The following USP15 variants were observed in gnomAD, a reference collection of about 807,000 sequenced individuals.
USP15 encodes ubiquitin carboxyl-terminal hydrolase 15.
USP15 carries 18 observed loss-of-function variants against 127.1 expected under a neutral mutation model. The ratio of observed to expected loss-of-function variants is 0.14; its 90% CI spans 0.10 to 0.21. The LOEUF (loss-of-function observed/expected upper bound fraction) is 0.21. Ranked by LOEUF, USP15 falls within the 10% of genes least tolerant of loss-of-function variation. USP15 has a pLI of 1.00. For synonymous variants in USP15, 364 were observed against 393.7 expected, an observed-to-expected ratio of 0.92 and a Z score of 0.89; for missense variants, 805 against 1,159.9, an observed-to-expected ratio of 0.69 and a Z score of 4.44.
intron 6 of USP15, among the ~76,000 whole-genome samples, chr12:62,347,473 TTA>T (rs1426852725): frequency 6.6e-6 from 1 of 151,804 alleles, no homozygotes; most frequent in Non-Finnish European, 1.5e-5. Context: ...AACATTCGAT[TTA>T]TATATGTTTT....
intron 8 of USP15, among the ~76,000 whole-genome samples, chr12:62,380,377 C>A (rs1448728515): frequency 1.2e-4 from 18 of 151,946 alleles, no homozygotes; most frequent in Non-Finnish European, 5.9e-5. Flanking sequence ...TTTAGCTAAA[C>A]AATGCATAGT....
chr12:62,312,127 T>G (rs1189684029), intron 3 of USP15, among the ~76,000 whole-genome samples: 5 of 151,814 alleles, frequency 3.3e-5, no homozygotes, highest in Non-Finnish European at 7.4e-5. Flanking sequence ...AGGTCTAATT[T>G]ATCTGCACCA....
chr12:62,273,607 A>G (rs369250453), intron 1 of USP15, among the ~76,000 whole-genome samples: 1 of 152,138 alleles, frequency 6.6e-6, no homozygotes, highest in East Asian at 1.9e-4. Flanking sequence ...AAGAATATAT[A>G]TAAACAAAAA....
intron 6 of USP15, among the ~76,000 whole-genome samples, chr12:62,328,060 A>C (rs963234451): frequency 6.6e-6 from 1 of 152,198 alleles, no homozygotes; most frequent in Non-Finnish European, 1.5e-5. Context: ...GTCTATAGCA[A>C]AAGTTACATT....
intron 3 of USP15, among the ~76,000 whole-genome samples, chr12:62,307,475 T>C (rs770871940): frequency 6.6e-5 from 10 of 152,166 alleles, no homozygotes; most frequent in Non-Finnish European, 1.5e-4. Flanking sequence ...TTCTGTGTGC[T>C]TCATTGTTTT....
At chr12:62,327,722 G>A (rs1396496873) in intron 6 of USP15, 1 of 430,178 alleles carries the variant, frequency 2.3e-6, no homozygotes, top group Non-Finnish European at 4.6e-6. Context: ...AAAGAAAACA[G>A]AATTCCCTAT....
intron 1 of USP15, among the ~76,000 whole-genome samples, chr12:62,262,281 T>C (rs1362519935): frequency 6.6e-6 from 1 of 152,118 alleles, no homozygotes; most frequent in Non-Finnish European, 1.5e-5. Context: ...ATGTTAGATG[T>C]TTATTACTGT....
rs1262471687 is a variant in USP15 at position 62,349,351 on chromosome 12, T to C, written c.770+44T>C. On this transcript the variant is annotated intron_variant, in intron 7 of 21. Transcript: ENST00000280377. ...AAACTCTTTGTTTAATTGATCACCC[T>C]ATTATGGTTGCAAAAAATCTCTTGT... 3 of 1,287,528 alleles carry C rather than the reference T, an allele frequency of 2.3e-6. No homozygotes were observed. In the South Asian group the frequency reaches 5.3e-5, roughly 23 times the overall value. The allele number at this position is 1,287,528 out of a possible 1,614,324, so 79.8% of individuals were successfully genotyped here.
chr12:62,336,407 C>T, intron 6 of USP15: 1 of 985,454 alleles, frequency 1.0e-6, no homozygotes, highest in South Asian at 4.7e-5. Flanking sequence ...ATCCTGAGTT[C>T]CTCCTCCAGC....
chr12:62,324,320 T>C (rs1021376454), intron 5 of USP15, among the ~76,000 whole-genome samples: 22 of 151,998 alleles, frequency 1.4e-4, no homozygotes, highest in African/African-American at 5.3e-4. Flanking sequence ...TAAGGCATTA[T>C]GGTTAAATAA....
chr12:62,343,601 C>T (rs1171768173), intron 6 of USP15, among the ~76,000 whole-genome samples: 1 of 152,160 alleles, frequency 6.6e-6, no homozygotes, highest in East Asian at 1.9e-4. Flanking sequence ...AAGCGTAGTA[C>T]CCGGGCCAGG....
At chr12:62,350,537 A>G (rs960071848) in intron 7 of USP15, among the ~76,000 whole-genome samples, 1 of 152,238 alleles carries the variant, frequency 6.6e-6, no homozygotes, top group Non-Finnish European at 1.5e-5. Flanking sequence ...TAAAGGATTT[A>G]TATTCTAAAT....
At chr12:62,363,892 T>C (rs1237931925) in intron 8 of USP15, among the ~76,000 whole-genome samples, 1 of 152,144 alleles carries the variant, frequency 6.6e-6, no homozygotes, top group South Asian at 2.1e-4. Flanking sequence ...TTAATGAAAT[T>C]CCAGAGTAGT....
chr12:62,344,953 A>G (rs1437638540), intron 6 of USP15, among the ~76,000 whole-genome samples: 3 of 152,096 alleles, frequency 2.0e-5, no homozygotes, highest in East Asian at 1.9e-4. Context: ...CCATAAAACC[A>G]TCTTTCCTTT....
intron 9 of USP15, among the ~76,000 whole-genome samples, chr12:62,383,152 A>T (rs1285970503): frequency 6.6e-6 from 1 of 151,914 alleles, no homozygotes; most frequent in Non-Finnish European, 1.5e-5. Context: ...AATTTTTATT[A>T]TTCACAGGAG....
In USP15 at chr12:62,389,488, G is replaced by C; in HGVS notation, c.1531G>C (p.Ala511Pro). The C allele has an allele frequency of 1.2e-6, 2 of 1,613,748 alleles. No individual in the cohort carries two copies. Among genetic ancestry groups the C allele is most frequent in the Non-Finnish European group, 1.7e-6 (2 of 1,179,900 alleles). Residue 511 changes from alanine (A) to proline (P), a missense_variant, in exon 12 of 22, where the codon GCT (alanine) becomes CCT (proline). Transcript: ENST00000280377. Reference protein sequence around the residue: ...NILDLCTALSALSGIPADKMI... With the variant: ...NILDLCTALSPLSGIPADKMI... ...ATTAGATCTTTGTACAGCATTGTCT[G>C]CTTTGTCAGGAATACCTGCAGATAA...
chr12:62,310,846 C>T (rs1284767485), intron 3 of USP15, among the ~76,000 whole-genome samples: 1 of 152,002 alleles, frequency 6.6e-6, no homozygotes, highest in African/African-American at 2.4e-5. Context: ...TTCCCATCAA[C>T]AGTGTATAAG....
chr12:62,381,053 A>G (rs940507810), intron 8 of USP15, among the ~76,000 whole-genome samples: 12 of 152,168 alleles, frequency 7.9e-5, no homozygotes, highest in African/African-American at 2.9e-4. Context: ...ATAATTGACA[A>G]TGGAAGCAGT....
At chr12:62,302,209 T>C (rs2064339909) in intron 2 of USP15, among the ~76,000 whole-genome samples, 1 of 152,170 alleles carries the variant, frequency 6.6e-6, no homozygotes, top group African/African-American at 2.4e-5. Context: ...CTTGGTGTCA[T>C]TGTAAAAGGT....
Sources: allele counts gnomAD v4.1 joint callset (sites outside exome capture counted in the v4.1 genomes callset), GRCh38; gene constraint gnomAD v4.1.1; transcripts MANE v1.5; gene names NCBI Gene and HGNC (gene_info 2026-07-23, HGNC 2026-07-21).